KSR2: variants seen among roughly 807,000 people sequenced by gnomAD.
KSR2 encodes kinase suppressor of ras 2.
In KSR2, 25 loss-of-function variants were observed where a neutral mutation model predicts 107.8. The ratio of observed to expected loss-of-function variants is 0.23; its 90% CI spans 0.17 to 0.32. The LOEUF is 0.32. KSR2 is among the 10% of genes least tolerant of loss of function. The probability of loss-of-function intolerance (pLI) is 1.00; values close to 1 mark genes in which losing one functional copy is unlikely to be tolerated. For missense variants in KSR2, 887 were observed against 1,268.9 expected, an observed-to-expected ratio of 0.70 and a Z score of 4.57; for synonymous variants, 480 against 507.0, an observed-to-expected ratio of 0.95 and a Z score of 0.71.
Position 117,517,670 on chromosome 12 carries a change from C to T in KSR2, c.2219+7182G>A, listed in dbSNP as rs368367762. ...TTCACAAAAGTCCCAGGGTGCTTTA[C>T]ATTTCAGCACAATTAAAGGCAGCCA... On this transcript the variant is annotated intron_variant, in intron 14 of 19. Coordinates refer to ENST00000339824, the MANE Select transcript of KSR2 (RefSeq NM_173598.6). The T allele has an allele frequency of 3.3e-4, 120 of 365,424 alleles. 1 individual carries two copies. The highest frequency in any genetic ancestry group is 2.4e-3 in the South Asian group (113 of 46,810). 22.6% of individuals were successfully genotyped at this position (365,424 alleles called of 1,614,324 possible). A position where few individuals can be genotyped will look rare whatever the true frequency, so the allele number is the denominator to read the frequency against.
chr12:117,770,314 G>A (rs1889392344), intron 3 of KSR2, among the ~76,000 whole-genome samples: 1 of 152,166 alleles, frequency 6.6e-6, no homozygotes, highest in Non-Finnish European at 1.5e-5. Flanking sequence ...TGTGAAGACA[G>A]AGGCAGGGGC....
intron 4 of KSR2, among the ~76,000 whole-genome samples, chr12:117,760,593 T>C (rs1888966964): frequency 6.6e-6 from 1 of 152,188 alleles, no homozygotes; most frequent in African/African-American, 2.4e-5. Context: ...GGAGCGGCAC[T>C]AGGCTAGACT....
chr12:117,692,489 TATATATATATATATATAC>T (rs1885864405), intron 4 of KSR2, among the ~76,000 whole-genome samples: 1 of 97,682 alleles, frequency 1.0e-5, no homozygotes, highest in African/African-American at 4.1e-5. Flanking sequence ...TATATATATA[TATATATATATATATATAC>T]ACACACACAT....
In KSR2 at chr12:117,815,071, T is replaced by C. The variant is rs554574284; in HGVS notation, c.472+40357A>G. ...TCACTCATAACAACAGAAAGGCTCA[T>C]TGAAAGGTCAGGAAAGAGCACTCTT... On this transcript the variant is annotated intron_variant, in intron 3 of 19. Transcript: ENST00000339824. 1.6e-4 allele frequency among the ~76,000 whole-genome samples: 25 copies of C among 152,304 alleles called. No individual in the cohort carries two copies. In the South Asian group the frequency reaches 5.0e-3, roughly 30 times the overall value.
chr12:117,538,021 T>C (rs1876170535), intron 10 of KSR2, among the ~76,000 whole-genome samples: 1 of 152,202 alleles, frequency 6.6e-6, no homozygotes, highest in Non-Finnish European at 1.5e-5. Flanking sequence ...CTGAAGTCAG[T>C]GTCTCCAGGG....
intron 4 of KSR2, among the ~76,000 whole-genome samples, chr12:117,684,299 C>A (rs1885482419): frequency 6.6e-6 from 1 of 152,178 alleles, no homozygotes; most frequent in South Asian, 2.1e-4. Flanking sequence ...TTTGGGAGTG[C>A]TGGGAAGGCA....
At chr12:117,711,945 G>A (rs1238871544) in intron 4 of KSR2, among the ~76,000 whole-genome samples, 1 of 152,202 alleles carries the variant, frequency 6.6e-6, no homozygotes, top group Non-Finnish European at 1.5e-5. Flanking sequence ...GTTCTCCCTT[G>A]GCTGTCCTGC....
chr12:117,858,128 T>C (rs937735185), intron 2 of KSR2, among the ~76,000 whole-genome samples: 1 of 152,150 alleles, frequency 6.6e-6, no homozygotes, highest in East Asian at 1.9e-4. Context: ...AAGTATTGGC[T>C]CAAAATAAAT....
At chr12:117,566,233 C>T (rs186601234) in intron 7 of KSR2, among the ~76,000 whole-genome samples, 31 of 152,288 alleles carry the variant, frequency 2.0e-4, no homozygotes, top group African/African-American at 7.2e-4. Context: ...GACTCTCCTG[C>T]CTCAGCCTCC....
intron 9 of KSR2, among the ~76,000 whole-genome samples, chr12:117,540,211 G>T (rs972963832): frequency 6.6e-6 from 1 of 152,112 alleles, no homozygotes; most frequent in Non-Finnish European, 1.5e-5. Context: ...ATGCAGAGGT[G>T]TCCAGAGTAC....
intron 1 of KSR2, among the ~76,000 whole-genome samples, chr12:117,881,315 A>G (rs1894020887): frequency 6.6e-6 from 1 of 152,174 alleles, no homozygotes. Context: ...GTTTGAGGGT[A>G]CAGAGGGGGC....
At chr12:117,603,915 C>T (rs1033115053) in intron 5 of KSR2, among the ~76,000 whole-genome samples, 1 of 152,210 alleles carries the variant, frequency 6.6e-6, no homozygotes, top group African/African-American at 2.4e-5. Flanking sequence ...CATCTGGCTG[C>T]TGCCCCCTCC....
At chr12:117,525,411 G>A (rs965891722) in intron 13 of KSR2, among the ~76,000 whole-genome samples, 192 bp from the exon 14 acceptor site, 5 of 152,148 alleles carry the variant, frequency 3.3e-5, no homozygotes, top group African/African-American at 1.2e-4. Flanking sequence ...CAGTGAAGGT[G>A]CTGAAAGGGA....
chr12:117,686,558 A>C (rs1438749867), intron 4 of KSR2, among the ~76,000 whole-genome samples: 8 of 152,026 alleles, frequency 5.3e-5, no homozygotes, highest in Non-Finnish European at 7.4e-5. Context: ...TTTGCTTGTA[A>C]CACCTGGATA....
intron 5 of KSR2, among the ~76,000 whole-genome samples, chr12:117,619,047 G>T (rs1404739705): frequency 1.3e-5 from 2 of 152,062 alleles, no homozygotes; most frequent in African/African-American, 4.8e-5. Flanking sequence ...ACCCTAGGGG[G>T]ACACAGATCC....
intron 5 of KSR2, among the ~76,000 whole-genome samples, chr12:117,609,733 T>C (rs1160194904): frequency 6.6e-6 from 1 of 152,146 alleles, no homozygotes; most frequent in Non-Finnish European, 1.5e-5. Context: ...CAGCGATGTT[T>C]GGGGCTGGAT....
intron 3 of KSR2, among the ~76,000 whole-genome samples, chr12:117,786,061 G>A (rs993006495): frequency 1.4e-4 from 21 of 151,596 alleles, no homozygotes; most frequent in South Asian, 2.1e-4. Flanking sequence ...TCTTGAAAGC[G>A]GCCATTAAAA....
At chr12:117,812,920 T>C (rs1891248398) in intron 3 of KSR2, among the ~76,000 whole-genome samples, 1 of 138,960 alleles carries the variant, frequency 7.2e-6, no homozygotes, top group Non-Finnish European at 1.5e-5. Context: ...GACTTCAAAA[T>C]ATAATCCAAA....
intron 3 of KSR2, among the ~76,000 whole-genome samples, chr12:117,844,507 T>G (rs1294963431): frequency 6.6e-6 from 1 of 151,814 alleles, no homozygotes; most frequent in Non-Finnish European, 1.5e-5. Flanking sequence ...ACTCACAAGT[T>G]TTTTAAAAAG....
Sources: gnomAD v4.1 joint callset for allele counts (sites outside exome capture counted in the v4.1 genomes callset) on GRCh38, gnomAD v4.1.1 for gene constraint, MANE v1.5 for transcripts, NCBI Gene and HGNC (gene_info 2026-07-23, HGNC 2026-07-21) for gene names.